PAMR1: variants seen among roughly 807,000 people sequenced by gnomAD.
PAMR1 encodes the protein inactive serine protease PAMR1.
Under a neutral mutation model 81.8 loss-of-function variants are expected in PAMR1, and 88 were observed. That is an observed-to-expected ratio of 1.08 (90% CI 0.91 to 1.28). The LOEUF (loss-of-function observed/expected upper bound fraction) is 1.28. Among genes scored for constraint, PAMR1 ranks in the 50% most tolerant of loss-of-function variants. PAMR1 has a pLI of 0.00. For missense variants in PAMR1, 935 were observed against 919.7 expected (o/e 1.02, Z -0.21); for synonymous variants, 336 against 345.3 (o/e 0.97, Z 0.30).
chr11:35,489,868 C>T (rs1044190899), intron 3 of PAMR1, among the ~76,000 whole-genome samples: 2 of 152,220 alleles, frequency 1.3e-5, no homozygotes, highest in Non-Finnish European at 2.9e-5. Context: ...TCTACTTCAC[C>T]ACTCTTCCTT....
intron 1 of PAMR1, among the ~76,000 whole-genome samples, chr11:35,507,134 C>T (rs955251769): frequency 2.0e-5 from 3 of 147,168 alleles, no homozygotes; most frequent in Non-Finnish European, 4.4e-5. Context: ...GCAACCTCTG[C>T]CTCCCAGGTT....
chr11:35,517,160 G>A (rs1851180486), intron 1 of PAMR1, among the ~76,000 whole-genome samples: 1 of 152,126 alleles, frequency 6.6e-6, no homozygotes, highest in Admixed American at 6.6e-5. Flanking sequence ...AGCTCAGTTT[G>A]CCAAATGATC....
At chr11:35,505,304 T>C (rs1003894544) in intron 1 of PAMR1, among the ~76,000 whole-genome samples, 6 of 152,116 alleles carry the variant, frequency 3.9e-5, no homozygotes, top group Non-Finnish European at 8.8e-5. Flanking sequence ...ATGAAAATAA[T>C]GTGTATTCTG....
chr11:35,478,848 G>T (rs1216143095), intron 3 of PAMR1, among the ~76,000 whole-genome samples: 1 of 152,148 alleles, frequency 6.6e-6, no homozygotes, highest in Non-Finnish European at 1.5e-5. Flanking sequence ...GTGTGTGTGT[G>T]TGTGTGTGTC....
In PAMR1 at chr11:35,509,755, G is replaced by A. The variant is rs1038905908; in HGVS notation, c.74-15483C>T. The stretch of plus-strand genomic sequence containing the variant: ...GAATTAATTCTGGGAGAAAAGAGGG[G>A]TTCACAGAATTCCAGGGGTAGGGAG... On this transcript the variant is annotated intron_variant, in intron 1 of 10. Transcript: ENST00000619888. Among the ~76,000 whole-genome samples the A allele has an allele frequency of 3.2e-4, 49 of 151,924 alleles. 1 individual carries two copies. Among genetic ancestry groups the A allele is most frequent in the African/African-American group, 1.1e-3 (47 of 41,366 alleles).
intron 6 of PAMR1, among the ~76,000 whole-genome samples, chr11:35,447,205 T>C (rs1211665117): frequency 6.8e-6 from 1 of 147,046 alleles, no homozygotes; most frequent in African/African-American, 2.5e-5. Flanking sequence ...TCCATCCCTT[T>C]TTTTTTTTTT....
At chr11:35,461,635 C>CCACA (rs372255422) in intron 6 of PAMR1, among the ~76,000 whole-genome samples, 11 of 150,674 alleles carry the variant, frequency 7.3e-5, no homozygotes, top group African/African-American at 2.7e-4. Flanking sequence ...ACATACACAC[C>CCACA]CACACACACA....
chr11:35,451,911 T>C, intron 6 of PAMR1: 1 of 702,618 alleles, frequency 1.4e-6, no homozygotes. Flanking sequence ...TTCTGACGCC[T>C]TGATCTTGGA....
At chr11:35,491,543 C>T (rs928825190) in intron 3 of PAMR1, among the ~76,000 whole-genome samples, 8 of 152,150 alleles carry the variant, frequency 5.3e-5, no homozygotes, top group Admixed American at 2.0e-4. Flanking sequence ...ACTGTTGAAA[C>T]TCACAGAACT....
At position 35,450,129 on chromosome 11, in the gene PAMR1, C is replaced by CAAAAAAAAAAAAAAA. The variant is rs60887441; in HGVS notation, c.821-8451_821-8437dup. ...AGAAACTTACTTGGCTGCCTCCAGG[C>CAAAAAAAAAAAAAAA]AAAAAAAAAAAAAAAAAAAAAAAAA... On this transcript the variant is annotated intron_variant, in intron 6 of 10. Coordinates refer to ENST00000619888, the MANE Select transcript of PAMR1 (RefSeq NM_001001991.3). Among the ~76,000 whole-genome samples, 2 of 43,030 alleles carry CAAAAAAAAAAAAAAA rather than the reference C, an allele frequency of 4.6e-5. 1 individual carries two copies. The highest frequency in any genetic ancestry group is 7.4e-5 in the Non-Finnish European group (2 of 26,846). 28.2% of individuals were successfully genotyped at this position (43,030 alleles called of 152,430 possible). A position where few individuals can be genotyped will look rare whatever the true frequency, so the allele number is the denominator to read the frequency against.
At chr11:35,508,793 C>T (rs1026106779) in intron 1 of PAMR1, among the ~76,000 whole-genome samples, 1 of 152,040 alleles carries the variant, frequency 6.6e-6, no homozygotes, top group Non-Finnish European at 1.5e-5. Context: ...TAAGTGAGAA[C>T]ATGGAGTGTT....
intron 8 of PAMR1, among the ~76,000 whole-genome samples, chr11:35,436,850 C>T (rs1267622030): frequency 2.6e-5 from 4 of 152,064 alleles, no homozygotes; most frequent in African/African-American, 9.7e-5. Flanking sequence ...TACATGCACA[C>T]ACAAAGAAAT....
chr11:35,463,411 G>A (rs567602380), intron 6 of PAMR1, among the ~76,000 whole-genome samples: 2 of 152,340 alleles, frequency 1.3e-5, no homozygotes, highest in East Asian at 3.9e-4. Context: ...TAGGATGCAG[G>A]GGGAAGTCCC....
Position 35,470,789 on chromosome 11 carries a change from T to C in PAMR1, c.524A>G (p.Tyr175Cys). Residue 175 changes from tyrosine (Y) to cysteine (C), a missense_variant, in exon 5 of 11, where the codon TAC (tyrosine) becomes TGC (cysteine). Tyr to Cys is a radical substitution (Grantham distance 194). Coordinates refer to ENST00000619888, the MANE Select transcript of PAMR1 (RefSeq NM_001001991.3). Reference sequence around the variant, plus strand: ...CTCAACATAGTCATACTGGCACATGTAGTCAAACTCCAGGCTCAACATGAC... The same window carrying C: ...CTCAACATAGTCATACTGGCACATGCAGTCAAACTCCAGGCTCAACATGAC... ...RFVMLSLEFDYMCQYDYVEVR... is the reference protein window; with the variant it reads ...RFVMLSLEFDCMCQYDYVEVR... 6.2e-7 allele frequency: 1 copy of C among 1,613,962 alleles called. No individual in the cohort carries two copies. Among genetic ancestry groups the C allele is most frequent in the African/African-American group, 1.3e-5 (1 of 75,006 alleles).
chr11:35,444,218 AATTT>A (rs1856244909), intron 6 of PAMR1, among the ~76,000 whole-genome samples: 1 of 151,796 alleles, frequency 6.6e-6, no homozygotes, highest in East Asian at 1.9e-4. Context: ...AAAGTTGTTT[AATTT>A]CCTTGTAGAC....
At chr11:35,457,745 G>A (rs1213281943) in intron 6 of PAMR1, among the ~76,000 whole-genome samples, 3 of 152,144 alleles carry the variant, frequency 2.0e-5, no homozygotes, top group Admixed American at 2.0e-4. Flanking sequence ...TATTATAAAT[G>A]AGAAAGGAGA....
Position 35,432,564 on chromosome 11 carries a change from C to T in PAMR1, c.1955G>A (p.Trp652Ter), listed in dbSNP as rs1855930469. The change falls in exon 11 of 11, where the codon TGG becomes TAG. Residue 652 changes from tryptophan (W) to a stop codon, truncating the protein, a stop_gained. Coordinates refer to ENST00000619888, the MANE Select transcript of PAMR1 (RefSeq NM_001001991.3). LOFTEE classifies it high-confidence loss of function. ...GATATCAGAAGGGGCAGTGGGTTCC[C>T]AGCTGGCACAGAACATGTTATCAGT... ...SVTDNMFCAS[W>*]EPTAPSDICT... 6.2e-7 allele frequency: 1 copy of T among 1,614,102 alleles called. No homozygotes were observed. Among genetic ancestry groups the T allele is most frequent in the Non-Finnish European group, 8.5e-7 (1 of 1,180,050 alleles).
At chr11:35,433,726 A>AGATG (rs71044517) in intron 10 of PAMR1, among the ~76,000 whole-genome samples, 36,893 of 148,560 alleles carry the variant, frequency 0.25, 4,636 homozygotes, top group South Asian at 0.33. Context: ...ATAGATGGAG[A>AGATG]GATGGATGGA....
Position 35,479,145 on chromosome 11 carries a change from C to T in PAMR1, c.380-4401G>A, listed in dbSNP as rs114532464. ...GATTGTGGGAGAGACACACACACTT[C>T]TAAGAAGTGGTTGGGTTTTGTTTTT... On this transcript the variant is annotated intron_variant, in intron 3 of 10. Transcript: ENST00000619888. Among the ~76,000 whole-genome samples, 247 of 152,248 alleles carry T rather than the reference C, an allele frequency of 1.6e-3. 2 individuals carry two copies. Among genetic ancestry groups the T allele is most frequent in the African/African-American group, 5.7e-3 (236 of 41,538 alleles).
Sources: gnomAD v4.1 joint callset for allele counts (sites outside exome capture counted in the v4.1 genomes callset) on GRCh38, gnomAD v4.1.1 for gene constraint, MANE v1.5 for transcripts, NCBI Gene and HGNC (gene_info 2026-07-23, HGNC 2026-07-21) for gene names.